OSGIN2: variants seen among roughly 807,000 people sequenced by gnomAD.
OSGIN2 encodes the protein oxidative stress-induced growth inhibitor 2.
In OSGIN2, 19 loss-of-function variants were observed where a neutral mutation model predicts 53.8. The ratio of observed to expected loss-of-function variants is 0.35; its 90% CI spans 0.25 to 0.52. OSGIN2 has a LOEUF of 0.52. OSGIN2 is among the 20% of genes least tolerant of loss of function. OSGIN2 has a pLI of 0.95. For missense variants in OSGIN2, 520 were observed against 662.7 expected (o/e 0.78, Z 2.36); for synonymous variants, 236 against 236.0 (o/e 1.00, Z 0.00).
At chr8:89,903,420 C>T (rs991678041) in intron 1 of OSGIN2, among the ~76,000 whole-genome samples, 6 of 152,156 alleles carry the variant, frequency 3.9e-5, no homozygotes, top group African/African-American at 9.7e-5. Flanking sequence ...TTTTCTAGAT[C>T]TAGCACATTT....
At position 89,924,492 on chromosome 8, in the gene OSGIN2, T is replaced by G. The variant is rs1185677966; in HGVS notation, c.621-11T>G. 1 of 1,564,682 alleles carries G rather than the reference T, an allele frequency of 6.4e-7. No individual in the cohort carries two copies. Among genetic ancestry groups the G allele is most frequent in the African/African-American group, 1.4e-5 (1 of 72,476 alleles). ...TATCCTTATAGGATATTTTTCCTTTTCCTTTTTTAGGAGCCTAAAAGGGGA... is the reference window on the plus strand; with the variant it reads ...TATCCTTATAGGATATTTTTCCTTTGCCTTTTTTAGGAGCCTAAAAGGGGA... On this transcript the variant is annotated splice_polypyrimidine_tract_variant and intron_variant, in intron 5 of 5. Transcript: ENST00000451899.
At chr8:89,914,040 G>A in intron 2 of OSGIN2, 37 bp from the exon 3 acceptor site, 1 of 1,587,678 alleles carries the variant, frequency 6.3e-7, no homozygotes, top group South Asian at 1.1e-5. Flanking sequence ...GTATTAAGAT[G>A]CATGACCTAC....
intron 1 of OSGIN2, among the ~76,000 whole-genome samples, chr8:89,905,832 T>A (rs1563462158): frequency 6.6e-6 from 1 of 152,208 alleles, no homozygotes; most frequent in Non-Finnish European, 1.5e-5. Flanking sequence ...ATATATAAAT[T>A]CAACGGTGTT....
chr8:89,907,709 T>G (rs1271116162), intron 1 of OSGIN2, among the ~76,000 whole-genome samples: 2 of 152,224 alleles, frequency 1.3e-5, no homozygotes, highest in African/African-American at 4.8e-5. Flanking sequence ...CCCGCTTTGT[T>G]CTTTTCACTT....
chr8:89,912,731 C>T (rs1046954231), intron 2 of OSGIN2, among the ~76,000 whole-genome samples: 5 of 151,070 alleles, frequency 3.3e-5, no homozygotes, highest in Admixed American at 6.6e-5. Flanking sequence ...GGTGACACAG[C>T]GAGACTCTGT....
chr8:89,914,029 A>G, intron 2 of OSGIN2, 48 bp from the exon 3 acceptor site: 4 of 1,532,736 alleles, frequency 2.6e-6, no homozygotes, highest in South Asian at 1.2e-5. Context: ...AAGGAACAAG[A>G]GTATTAAGAT....
At chr8:89,910,622 T>C (rs771470720) in intron 2 of OSGIN2, among the ~76,000 whole-genome samples, 99 of 152,242 alleles carry the variant, frequency 6.5e-4, no homozygotes, top group Non-Finnish European at 1.3e-3. Flanking sequence ...GTTTTTGTAA[T>C]AGTTCTCAAC....
chr8:89,903,658 G>C (rs961359027), intron 1 of OSGIN2, among the ~76,000 whole-genome samples: 3 of 152,144 alleles, frequency 2.0e-5, no homozygotes, highest in Non-Finnish European at 4.4e-5. Flanking sequence ...AACTTGGATG[G>C]AAAGAAAGGT....
At chr8:89,921,311 T>A in intron 5 of OSGIN2, 140 bp downstream of exon 5, 2 of 568,592 alleles carry the variant, frequency 3.5e-6, no homozygotes. Flanking sequence ...CTTGAAGCAG[T>A]GATTATAATA....
chr8:89,908,105 T>G (rs1808876985), intron 1 of OSGIN2, among the ~76,000 whole-genome samples: 1 of 152,162 alleles, frequency 6.6e-6, no homozygotes, highest in African/African-American at 2.4e-5. Context: ...ATAAAACATG[T>G]TAAATGCAGT....
chr8:89,904,328 T>TA (rs1211291882), intron 1 of OSGIN2, among the ~76,000 whole-genome samples: 1 of 152,340 alleles, frequency 6.6e-6, no homozygotes, highest in African/African-American at 2.4e-5. Context: ...AGGATTCATA[T>TA]TCTTTTGACT....
chr8:89,922,720 G>A lies in OSGIN2; in HGVS notation c.620+1549G>A, dbSNP rs563862712. Among the ~76,000 whole-genome samples the A allele has an allele frequency of 9.9e-5, 15 of 152,242 alleles. No individual in the cohort carries two copies. The South Asian group carries it at 1.5e-3, about 15-fold the overall frequency. ...GTAAAATGGAGATGATAATACAGCC[G>A]TGTATTGCTTAATGATGGTGATATG... On this transcript the variant is annotated intron_variant, in intron 5 of 5. Coordinates refer to ENST00000451899, the MANE Select transcript of OSGIN2 (RefSeq NM_001126111.3).
Position 89,914,671 on chromosome 8 carries a change from G to A in OSGIN2, c.453G>A (p.Leu151=), listed in dbSNP as rs1563470439. 6.2e-7 allele frequency: 1 copy of A among 1,614,002 alleles called. No homozygotes were observed. Among genetic ancestry groups the A allele is most frequent in the Admixed American group, 1.7e-5 (1 of 60,024 alleles). The change falls in exon 4 of 6, where the codon TTG becomes TTA. Residue 151 remains leucine, a synonymous_variant. Transcript: ENST00000451899. ...ADFGYDYPSV[L]HWKLEQHHYI... is the part of the protein sequence containing the mutation. ...TTGGGTATGATTATCCATCCGTTTT[G>A]CATTGGAAATTAGAGCAACATCATT...
At chr8:89,909,783 C>A in intron 2 of OSGIN2, 62 bp downstream of exon 2, 3 of 1,074,528 alleles carry the variant, frequency 2.8e-6, no homozygotes, top group Non-Finnish European at 2.6e-6. Flanking sequence ...TTTTATAAAT[C>A]TACAGTTAGT....
At chr8:89,911,370 T>C (rs753979322) in intron 2 of OSGIN2, among the ~76,000 whole-genome samples, 9 of 152,172 alleles carry the variant, frequency 5.9e-5, no homozygotes, top group Non-Finnish European at 1.2e-4. Flanking sequence ...GGATCACGCC[T>C]GTTATCCCAG....
intron 5 of OSGIN2, among the ~76,000 whole-genome samples, chr8:89,923,550 TAGAATTCAATA>T (rs1809250698): frequency 6.6e-6 from 1 of 152,210 alleles, no homozygotes; most frequent in Non-Finnish European, 1.5e-5. Flanking sequence ...ACTTTCAGTA[TAGAATTCAATA>T]AGTCACATGA....
At position 89,911,427 on chromosome 8, in the gene OSGIN2, C is replaced by T. The variant is rs377173467; in HGVS notation, c.199+1706C>T. On this transcript the variant is annotated intron_variant, in intron 2 of 5. Coordinates refer to ENST00000451899, the MANE Select transcript of OSGIN2 (RefSeq NM_001126111.3). Reference sequence around the variant, plus strand: ...GCTGGATCATCTGAGCACAGGAGTTCGAGACCAGCCTGGCCAACATGGTGA... The same window carrying T: ...GCTGGATCATCTGAGCACAGGAGTTTGAGACCAGCCTGGCCAACATGGTGA... Among the ~76,000 whole-genome samples, 22 of 151,928 alleles carry T rather than the reference C, an allele frequency of 1.4e-4. 1 individual carries two copies. In the South Asian group the frequency reaches 3.5e-3, roughly 24 times the overall value.
At chr8:89,902,396 C>G (rs573600131), upstream of OSGIN2, 1 of 152,276 alleles carries the variant, frequency 6.6e-6, no homozygotes, top group South Asian at 2.1e-4. Context: ...GTCCCCTGCC[C>G]GCGCAGCCTC....
Position 89,926,523 on chromosome 8 carries a change from A to C in OSGIN2, c.*991A>C, listed in dbSNP as rs1809337409. On this transcript the variant is annotated 3_prime_UTR_variant, in exon 6 of 6. Transcript: ENST00000451899. ...AAATTATTAAAGGTTAAAATAGAAA[A>C]TAAAGTCAGAATTTTTCTTTTCCAT... 6.6e-6 allele frequency: 1 copy of C among 152,634 alleles called. No individual in the cohort carries two copies. The highest frequency in any genetic ancestry group is 1.5e-5 in the Non-Finnish European group (1 of 68,030). The allele number at this position is 152,634 out of a possible 1,614,324, so 9.5% of individuals were successfully genotyped here.
Sources: gnomAD v4.1 joint callset for allele counts (sites outside exome capture counted in the v4.1 genomes callset) on GRCh38, gnomAD v4.1.1 for gene constraint, MANE v1.5 for transcripts, NCBI Gene and HGNC (gene_info 2026-07-23, HGNC 2026-07-21) for gene names.